The following CTPS1 variants were observed in gnomAD, a reference collection of about 807,000 sequenced individuals.
CTPS1 encodes the protein CTP synthase 1, also known as CTP synthetase 1.
In CTPS1, 25 loss-of-function variants were observed where a neutral mutation model predicts 80.5. The observed-to-expected ratio is 0.31, with a 90% CI of 0.23 to 0.43. The LOEUF (loss-of-function observed/expected upper bound fraction) is 0.43, where lower values mean the gene tolerates loss of function less well. Ranked by LOEUF, CTPS1 falls within the 20% of genes least tolerant of loss-of-function variation. The pLI is 1.00. For synonymous variants in CTPS1, 267 were observed against 252.5 expected (o/e 1.06, Z -0.54); for missense variants, 442 against 725.7 (o/e 0.61, Z 4.49).
rs147898373 is a variant in CTPS1, at chr1:40,983,219, C to A, written c.-13-59C>A. On this transcript the variant is annotated intron_variant, in intron 1 of 18. Coordinates refer to ENST00000650070, the MANE Select transcript of CTPS1 (RefSeq NM_001905.4). ...AATTGGCAGAGCCAGTGTTTGAACC[C>A]AGATGAGTTTGGTTTGTTGAGATAC... 361 of 1,446,694 alleles carry A rather than the reference C, an allele frequency of 2.5e-4. 2 individuals carry two copies. In the East Asian group the frequency reaches 7.6e-3, roughly 30 times the overall value. 89.6% of individuals were successfully genotyped at this position (1,446,694 alleles called of 1,614,324 possible).
rs1405001220 is a variant in CTPS1 at position 40,991,953 on chromosome 1, C to G, written c.720+108C>G. The G allele has an allele frequency of 4.7e-6, 4 of 850,134 alleles. No homozygotes were observed. The African/African-American group carries it at 5.0e-5, about 11-fold the overall frequency. The allele number at this position is 850,134 out of a possible 1,614,324, so 52.7% of individuals were successfully genotyped here. ...TTATTTTCTAATTAGAGATAGTGGG[C>G]TGTTCCAGAAGAACCCATTGCCATC... On this transcript the variant is annotated intron_variant, in intron 7 of 18. Coordinates refer to ENST00000650070, the MANE Select transcript of CTPS1 (RefSeq NM_001905.4).
chr1:41,010,829 G>C (rs1220668935), intron 18 of CTPS1, among the ~76,000 whole-genome samples: 1 of 152,196 alleles, frequency 6.6e-6, no homozygotes, highest in East Asian at 1.9e-4. Context: ...TAAGTGACAG[G>C]GTTTGTAGGT....
At position 40,995,941 on chromosome 1, in the gene CTPS1, T is replaced by G. The variant is rs1237832391; in HGVS notation, c.745T>G (p.Ser249Ala). 1 of 1,614,212 alleles carries G rather than the reference T, an allele frequency of 6.2e-7. No individual in the cohort carries two copies. Among genetic ancestry groups the G allele is most frequent in the South Asian group, 1.1e-5 (1 of 91,088 alleles). ...GGTGATCTGTGTCCACGATGTCTCA[T>G]CCATCTACCGAGTCCCCTTGTTGTT... The part of the protein sequence containing the change: ...EQVICVHDVS[S>A]IYRVPLLLEE... Residue 249 changes from serine (S) to alanine (A), a missense_variant, in exon 8 of 19, where the codon TCC becomes GCC. Transcript: ENST00000650070.
At chr1:41,008,968 T>G (rs925600330) in intron 16 of CTPS1, 78 bp downstream of exon 16, 18 of 1,153,820 alleles carry the variant, frequency 1.6e-5, no homozygotes, top group Non-Finnish European at 2.4e-5. Context: ...AAAAATGTTA[T>G]CTTGTTGCTC....
In CTPS1 at chr1:41,007,409, A is replaced by G. The variant is rs1420127490; in HGVS notation, c.1297-40A>G. The G allele has an allele frequency of 6.3e-7, 1 of 1,577,600 alleles. No homozygotes were observed. The highest frequency in any genetic ancestry group is 2.2e-5 in the East Asian group (1 of 44,680). On this transcript the variant is annotated intron_variant, in intron 13 of 18. Coordinates refer to ENST00000650070, the MANE Select transcript of CTPS1 (RefSeq NM_001905.4). This position sits in a 1 kb window ranked among gnomAD's most constrained non-coding sequence, Gnocchi z 4.4. ...AGGGAGGTTTCTCTCTAGCGGAAGC[A>G]GAGTTCTGTAGTTGGTGTCTGTTTT... is the stretch of plus-strand genomic sequence containing the variant.
rs534029063 is a variant in CTPS1 at position 40,996,292 on chromosome 1, G to C, written c.872+224G>C. ...GGCCAGGCCAGGTGCCGGGCCTCCA[G>C]ACAATGAGTTCGGGTTATGTCTTAA... On this transcript the variant is annotated intron_variant, in intron 8 of 18. Coordinates refer to ENST00000650070, the MANE Select transcript of CTPS1 (RefSeq NM_001905.4). Among the ~76,000 whole-genome samples the C allele has an allele frequency of 2.0e-5, 3 of 152,342 alleles. No individual in the cohort carries two copies. The South Asian group carries it at 6.2e-4, about 32-fold the overall frequency.
At chr1:40,984,722 T>A in intron 2 of CTPS1, 99 bp from the exon 3 acceptor site, 1 of 944,346 alleles carries the variant, frequency 1.1e-6, no homozygotes, top group Non-Finnish European at 1.5e-6. Context: ...TATTACGTAA[T>A]TGCACACCTT....
chr1:40,991,029 A>T, intron 5 of CTPS1, 136 bp from the exon 6 acceptor site: 1 of 676,108 alleles, frequency 1.5e-6, no homozygotes, highest in Non-Finnish European at 2.5e-6. Flanking sequence ...TGTAACTTTG[A>T]CAAACATAAA....
intron 12 of CTPS1, among the ~76,000 whole-genome samples, chr1:41,004,422 G>T (rs548878017): frequency 6.6e-6 from 1 of 152,250 alleles, no homozygotes; most frequent in East Asian, 1.9e-4. Flanking sequence ...GTCCTGAGAG[G>T]CACTGTCTTA....
intron 3 of CTPS1, among the ~76,000 whole-genome samples, chr1:40,986,170 A>G (rs1642447344): frequency 6.6e-6 from 1 of 152,248 alleles, no homozygotes; most frequent in African/African-American, 2.4e-5. Flanking sequence ...CGTCTGTCAG[A>G]AGCTGTGAAG....
At chr1:40,982,042 A>G (rs1472964628) in intron 1 of CTPS1, 2 of 1,284,582 alleles carry the variant, frequency 1.6e-6, no homozygotes, top group South Asian at 2.5e-5. Flanking sequence ...TTTTGGTCAC[A>G]TTTGGGTTTG....
chr1:40,993,727 C>T (rs1642676436), intron 7 of CTPS1, among the ~76,000 whole-genome samples: 1 of 150,002 alleles, frequency 6.7e-6, no homozygotes, highest in Non-Finnish European at 1.5e-5. Flanking sequence ...ATGTGATTTT[C>T]ACATATTTTC....
chr1:40,992,303 G>A (rs1338451566), intron 7 of CTPS1, among the ~76,000 whole-genome samples: 1 of 152,180 alleles, frequency 6.6e-6, no homozygotes. Context: ...CTGGGCTCCT[G>A]TGTGGTGTCG....
intron 8 of CTPS1, among the ~76,000 whole-genome samples, chr1:40,996,469 T>C (rs1570961638): frequency 6.6e-6 from 1 of 152,298 alleles, no homozygotes; most frequent in East Asian, 1.9e-4. Flanking sequence ...TGGGAATGTG[T>C]CTCACCCCAC....
chr1:41,006,495 C>A (rs540960340), intron 13 of CTPS1, among the ~76,000 whole-genome samples: 84 of 152,314 alleles, frequency 5.5e-4, no homozygotes, highest in African/African-American at 2.0e-3. Context: ...ATGGGATCCC[C>A]AGCCATAGTC....
intron 9 of CTPS1, among the ~76,000 whole-genome samples, chr1:40,998,216 G>A (rs1642806279): frequency 3.4e-5 from 5 of 146,058 alleles, no homozygotes. Flanking sequence ...GGCTAACACG[G>A]TGAAACCCTG....
rs763764925 is a variant in CTPS1, at chr1:41,002,708, C to T, written c.1190-406C>T. 3.2e-4 allele frequency among the ~76,000 whole-genome samples: 49 copies of T among 152,228 alleles called. 1 individual carries two copies. The highest frequency in any genetic ancestry group is 7.4e-5 in the Non-Finnish European group (5 of 68,014). Reference sequence around the variant, plus strand: ...AATTTTAAAGTACTGAGGCTAGGCACGGTGGTTCACACCTGTAAACCCAAC... The same window carrying T: ...AATTTTAAAGTACTGAGGCTAGGCATGGTGGTTCACACCTGTAAACCCAAC... On this transcript the variant is annotated intron_variant, in intron 11 of 18. Coordinates refer to ENST00000650070, the MANE Select transcript of CTPS1 (RefSeq NM_001905.4).
At chr1:40,997,656 T>G in intron 9 of CTPS1, 130 bp downstream of exon 9, 1 of 1,183,254 alleles carries the variant, frequency 8.5e-7, no homozygotes, top group Non-Finnish European at 1.1e-6. Context: ...TTTTTAAGGA[T>G]TAAAAAGATT....
intron 7 of CTPS1, among the ~76,000 whole-genome samples, chr1:40,994,656 G>C (rs1210196239): frequency 1.3e-5 from 2 of 151,788 alleles, no homozygotes; most frequent in South Asian, 2.1e-4. Context: ...ACCGCTTCTT[G>C]TTTTCTGGTT....
Sources: allele counts gnomAD v4.1 joint callset (sites outside exome capture counted in the v4.1 genomes callset), GRCh38; gene constraint gnomAD v4.1.1; non-coding constraint Gnocchi (gnomAD v3.1); transcripts MANE v1.5; gene names NCBI Gene and HGNC (gene_info 2026-07-23, HGNC 2026-07-21).